The following WWOX variants were observed in gnomAD, a reference collection of about 807,000 sequenced individuals.
The protein encoded by WWOX is WW domain containing oxidoreductase.
Under a neutral mutation model 46.2 loss-of-function variants are expected in WWOX, and 69 were observed. That is an observed-to-expected ratio of 1.49 (90% confidence interval 1.23 to 1.82). WWOX has a LOEUF of 1.82. Ranked by LOEUF, WWOX falls within the 40% of genes most tolerant of loss-of-function variation. WWOX has a pLI of 0.00. For missense variants in WWOX, 919 were observed against 542.6 expected (o/e 1.69, Z -6.89); for synonymous variants, 359 against 202.6 (o/e 1.77, Z -6.56).
At chr16:79,064,896 G>C (rs1471547025) in intron 8 of WWOX, among the ~76,000 whole-genome samples, 1 of 152,230 alleles carries the variant, frequency 6.6e-6, no homozygotes, top group African/African-American at 2.4e-5. Context: ...AGGATACTCA[G>C]TTTATAACGG....
intron 8 of WWOX, among the ~76,000 whole-genome samples, chr16:79,129,208 G>T (rs942932460): frequency 6.6e-6 from 1 of 151,680 alleles, no homozygotes; most frequent in East Asian, 1.9e-4. Context: ...AGAGAAGGTG[G>T]GGAGAGACCA....
rs1246199080 is a variant in WWOX, at chr16:78,702,033, AT to A, written c.1056+269282del. Among the ~76,000 whole-genome samples the A allele has an allele frequency of 5.7e-5, 7 of 123,046 alleles. 1 individual carries two copies. Among genetic ancestry groups the A allele is most frequent in the African/African-American group, 2.8e-4 (7 of 24,642 alleles). 80.7% of individuals were successfully genotyped at this position (123,046 alleles called of 152,430 possible). A position where few individuals can be genotyped will look rare whatever the true frequency, so the allele number is the denominator to read the frequency against. ...TATATATATATATATATATATATAT[AT>A]ATATATATATAAAATAATGCAGAAG... On this transcript the variant is annotated intron_variant, in intron 8 of 8. Coordinates refer to ENST00000566780, the MANE Select transcript of WWOX (RefSeq NM_016373.4).
At chr16:78,867,220 G>A (rs1295739473) in intron 8 of WWOX, among the ~76,000 whole-genome samples, 1 of 152,154 alleles carries the variant, frequency 6.6e-6, no homozygotes, top group African/African-American at 2.4e-5. Flanking sequence ...GTGGGGGAGT[G>A]CAAGAAGTTT....
chr16:78,931,313 C>T (rs2045619901), intron 8 of WWOX, among the ~76,000 whole-genome samples: 1 of 152,104 alleles, frequency 6.6e-6, no homozygotes. Flanking sequence ...GAACGGTAGT[C>T]AAAGAAGGTC....
At chr16:78,222,927 CA>C (rs2036938783) in intron 5 of WWOX, among the ~76,000 whole-genome samples, 1 of 152,190 alleles carries the variant, frequency 6.6e-6, no homozygotes, top group Non-Finnish European at 1.5e-5. Flanking sequence ...GCTCAGGGTT[CA>C]GGGGGCTGTC....
chr16:78,116,690 A>G (rs2032809569), intron 4 of WWOX, among the ~76,000 whole-genome samples: 1 of 152,220 alleles, frequency 6.6e-6, no homozygotes, highest in Non-Finnish European at 1.5e-5. Context: ...CATATTAAGT[A>G]CTGTTACAGT....
intron 6 of WWOX, among the ~76,000 whole-genome samples, chr16:78,403,078 C>G (rs983030469): frequency 1.3e-5 from 2 of 152,178 alleles, no homozygotes; most frequent in African/African-American, 2.4e-5. Context: ...TATTACAGCT[C>G]CATATATCTC....
rs150258527 is a variant in WWOX at position 78,546,620 on chromosome 16, T to C, written c.1056+113868T>C. On this transcript the variant is annotated intron_variant, in intron 8 of 8. Coordinates refer to ENST00000566780, the MANE Select transcript of WWOX (RefSeq NM_016373.4). ...CTCAGCTAGGAACTTATTTTTAAAA[T>C]ATAAATTCCTAGTCCCACTCCCTAA... Among the ~76,000 whole-genome samples, 32 of 152,332 alleles carry C rather than the reference T, an allele frequency of 2.1e-4. 1 individual carries two copies. The highest frequency in any genetic ancestry group is 7.0e-4 in the African/African-American group (29 of 41,572).
chr16:78,558,172 C>T (rs1016786084), intron 8 of WWOX, among the ~76,000 whole-genome samples: 8 of 152,116 alleles, frequency 5.3e-5, no homozygotes, highest in African/African-American at 1.7e-4. Context: ...CTGCCACCAC[C>T]GCCTTCCCGG....
rs112421974 is a variant in WWOX, at chr16:78,666,010, C to G, written c.1056+233258C>G. ...AAGATACTGAGATGTGGGGGCCAGG[C>G]ACAGTGGCTCATGCCTGTAATCCCA... On this transcript the variant is annotated intron_variant, in intron 8 of 8. Transcript: ENST00000566780. Among the ~76,000 whole-genome samples, 1,402 of 151,924 alleles carry G rather than the reference C, an allele frequency of 9.2e-3. 12 individuals carry two copies. The highest frequency in any genetic ancestry group is 0.037 in the South Asian group (176 of 4,810).
chr16:78,371,874 C>G (rs1340175136), intron 5 of WWOX, among the ~76,000 whole-genome samples: 1 of 152,036 alleles, frequency 6.6e-6, no homozygotes, highest in African/African-American at 2.4e-5. Flanking sequence ...AGGATAGCTG[C>G]TAGGACAAAA....
intron 8 of WWOX, among the ~76,000 whole-genome samples, chr16:79,000,198 G>A (rs556498957): frequency 6.6e-6 from 1 of 152,202 alleles, no homozygotes; most frequent in Admixed American, 6.5e-5. Flanking sequence ...GCGTTCACAC[G>A]GCACGTCATT....
Position 79,103,064 on chromosome 16 carries a change from C to G in WWOX, c.1057-108544C>G, listed in dbSNP as rs147157185. ...ATTTGCTTCTTGCTTTGGGCAAGTT[C>G]TCACCATAACCCTCTGGCAAAGGCA... On this transcript the variant is annotated intron_variant, in intron 8 of 8. Transcript: ENST00000566780. 4.5e-4 allele frequency among the ~76,000 whole-genome samples: 69 copies of G among 151,924 alleles called. No individual in the cohort carries two copies. In the East Asian group the frequency reaches 0.011, roughly 24 times the overall value.
chr16:79,087,292 C>G (rs924204529), intron 8 of WWOX, among the ~76,000 whole-genome samples: 1 of 152,200 alleles, frequency 6.6e-6, no homozygotes, highest in Non-Finnish European at 1.5e-5. Flanking sequence ...GGAATGTTCT[C>G]AGAAAATGCT....
chr16:78,645,170 G>T (rs1359569554), intron 8 of WWOX, among the ~76,000 whole-genome samples: 1 of 152,054 alleles, frequency 6.6e-6, no homozygotes, highest in East Asian at 1.9e-4. Flanking sequence ...CCTATCGAAG[G>T]GTTTTTTCCA....
intron 8 of WWOX, among the ~76,000 whole-genome samples, chr16:78,557,558 C>A: frequency 6.6e-6 from 1 of 152,098 alleles, no homozygotes; most frequent in East Asian, 1.9e-4. Flanking sequence ...CTTTGAGTTT[C>A]CAAGAAGGGA....
chr16:78,591,929 C>T (rs551676609), intron 8 of WWOX, among the ~76,000 whole-genome samples: 5 of 152,198 alleles, frequency 3.3e-5, no homozygotes, highest in Non-Finnish European at 7.3e-5. Flanking sequence ...TGTACAGATG[C>T]GCTCAAGCGA....
At chr16:78,216,929 G>A (rs2036740847) in intron 5 of WWOX, among the ~76,000 whole-genome samples, 1 of 152,072 alleles carries the variant, frequency 6.6e-6, no homozygotes. Context: ...CACCATGTTG[G>A]CGAGGCTGGT....
At chr16:78,968,148 C>T (rs555416636) in intron 8 of WWOX, among the ~76,000 whole-genome samples, 1 of 149,428 alleles carries the variant, frequency 6.7e-6, no homozygotes, top group African/African-American at 2.5e-5. Context: ...TGGCACAGCG[C>T]GTGGTCCGCG....
Sources: gnomAD v4.1 joint callset for allele counts (sites outside exome capture counted in the v4.1 genomes callset) on GRCh38, gnomAD v4.1.1 for gene constraint, MANE v1.5 for transcripts, NCBI Gene and HGNC (gene_info 2026-07-23, HGNC 2026-07-21) for gene names.